Variants in KIAA0319L observed in about 807,000 individuals in gnomAD.
The protein encoded by KIAA0319L is dyslexia-associated protein KIAA0319-like protein.
In KIAA0319L, 55 loss-of-function variants were observed where a neutral mutation model predicts 120.1. The observed-to-expected ratio is 0.46, with a 90% CI of 0.37 to 0.57. KIAA0319L has a LOEUF of 0.57. Ranked by LOEUF, KIAA0319L falls within the 20% of genes least tolerant of loss-of-function variation. The probability of loss-of-function intolerance (pLI) is 0.00; values close to 1 mark genes in which losing one functional copy is unlikely to be tolerated. For synonymous variants in KIAA0319L, 398 were observed against 471.9 expected, an observed-to-expected ratio of 0.84 and a Z score of 2.03; for missense variants, 1,049 against 1,255.3, an observed-to-expected ratio of 0.84 and a Z score of 2.48.
intron 3 of KIAA0319L, among the ~76,000 whole-genome samples, chr1:35,498,198 T>C (rs1490367555): frequency 6.6e-6 from 1 of 152,112 alleles, no homozygotes; most frequent in African/African-American, 2.4e-5. Context: ...CTGGGTATGA[T>C]GATGGGTGCC....
chr1:35,448,871 G>T (rs1641838149), intron 15 of KIAA0319L, among the ~76,000 whole-genome samples: 1 of 152,160 alleles, frequency 6.6e-6, no homozygotes, highest in Admixed American at 6.5e-5. Flanking sequence ...CAAGACACAA[G>T]GATTTCCTTA....
intron 2 of KIAA0319L, among the ~76,000 whole-genome samples, chr1:35,525,986 T>C (rs935282116): frequency 5.9e-5 from 9 of 152,102 alleles, no homozygotes; most frequent in Non-Finnish European, 1.3e-4. Context: ...TTTAAGTCTT[T>C]AATCCATTTT....
intron 1 of KIAA0319L, 89 bp from the exon 2 acceptor site, chr1:35,554,608 A>G: frequency 1.0e-6 from 1 of 961,320 alleles, no homozygotes; most frequent in Non-Finnish European, 1.5e-6. Flanking sequence ...ATGACAGATT[A>G]GGGGAAAGAA....
intron 2 of KIAA0319L, among the ~76,000 whole-genome samples, chr1:35,553,885 AT>A (rs1206216218): frequency 6.6e-6 from 1 of 152,128 alleles, no homozygotes; most frequent in South Asian, 2.1e-4. Context: ...TAAGGAACGC[AT>A]TTTTCCCATA....
intron 6 of KIAA0319L, 143 bp downstream of exon 6, chr1:35,470,720 T>C (rs560885265): frequency 6.4e-6 from 4 of 624,114 alleles, no homozygotes; most frequent in African/African-American, 5.5e-5. Context: ...AAATACTGGA[T>C]GTCAGCCAGT....
At chr1:35,517,041 T>C (rs1645709472) in intron 2 of KIAA0319L, among the ~76,000 whole-genome samples, 2 of 151,920 alleles carry the variant, frequency 1.3e-5, no homozygotes. Flanking sequence ...TATAAAACAC[T>C]GCTGAAAAAA....
intron 2 of KIAA0319L, among the ~76,000 whole-genome samples, chr1:35,526,516 GCTCACTGCAGC>G (rs1287046514): frequency 6.7e-6 from 1 of 149,770 alleles, no homozygotes; most frequent in Non-Finnish European, 1.5e-5. Flanking sequence ...TCCAATCTTA[GCTCACTGCAGC>G]CTCAACCTCC....
chr1:35,463,560 T>C (rs1002659212), intron 7 of KIAA0319L, among the ~76,000 whole-genome samples: 10 of 152,368 alleles, frequency 6.6e-5, no homozygotes, highest in Middle Eastern at 6.8e-3. Context: ...CCCAAATGAC[T>C]GTGTGCTACA....
intron 3 of KIAA0319L, among the ~76,000 whole-genome samples, chr1:35,484,471 G>C (rs1221718707): frequency 6.6e-6 from 1 of 152,010 alleles, no homozygotes; most frequent in Non-Finnish European, 1.5e-5. Context: ...AAACACAAGT[G>C]ATTTCTGTGT....
intron 2 of KIAA0319L, among the ~76,000 whole-genome samples, chr1:35,538,872 C>T (rs752412583): frequency 7.9e-5 from 12 of 151,722 alleles, no homozygotes; most frequent in Middle Eastern, 3.4e-3. Context: ...ATTCTACTGA[C>T]AGAAATGAAA....
intron 1 of KIAA0319L, chr1:35,554,887 C>G (rs1647710280): frequency 6.4e-6 from 1 of 156,136 alleles, no homozygotes; most frequent in African/African-American, 2.4e-5. Flanking sequence ...TTTGACCAAA[C>G]ACACTTTCTT....
intron 6 of KIAA0319L, among the ~76,000 whole-genome samples, chr1:35,470,129 T>C (rs1050383600): frequency 9.2e-5 from 14 of 152,086 alleles, no homozygotes; most frequent in African/African-American, 3.4e-4. Flanking sequence ...CACCTCAGCC[T>C]CCCAAAGTGC....
At chr1:35,530,971 C>T (rs1293900783) in intron 2 of KIAA0319L, among the ~76,000 whole-genome samples, 1 of 152,148 alleles carries the variant, frequency 6.6e-6, no homozygotes, top group Non-Finnish European at 1.5e-5. Context: ...GAAAGGCTGT[C>T]CTCAGGGTGC....
At chr1:35,455,902 G>A (rs951818923) in intron 10 of KIAA0319L, 111 bp downstream of exon 10, 9 of 819,246 alleles carry the variant, frequency 1.1e-5, no homozygotes, top group South Asian at 8.7e-5. Flanking sequence ...TTGCTACCAC[G>A]TTAATCAAAG....
intron 2 of KIAA0319L, among the ~76,000 whole-genome samples, chr1:35,548,663 G>A (rs982978437): frequency 6.6e-6 from 1 of 151,818 alleles, no homozygotes; most frequent in African/African-American, 2.4e-5. Flanking sequence ...ATGGATTAAA[G>A]TGCATCATGA....
chr1:35,451,853 A>C, intron 12 of KIAA0319L, 77 bp from the exon 13 acceptor site: 20 of 1,448,602 alleles, frequency 1.4e-5, no homozygotes, highest in Non-Finnish European at 1.9e-5. Context: ...GGAGGAGACA[A>C]TGACTCCCTC....
At position 35,453,483 on chromosome 1, in the gene KIAA0319L, T is replaced by C. The variant is rs993140978; in HGVS notation, c.1913+74A>G. 2 of 1,459,382 alleles carry C rather than the reference T, an allele frequency of 1.4e-6. No homozygotes were observed. The highest frequency in any genetic ancestry group is 1.8e-5 in the Admixed American group (1 of 56,776). The allele number at this position is 1,459,382 out of a possible 1,614,324, so 90.4% of individuals were successfully genotyped here. ...AAGCCAATAAGAGCAACTCAACTCATAATAGCAAATAAAACCTTGCTCTTC... is the reference window on the plus strand; with the variant it reads ...AAGCCAATAAGAGCAACTCAACTCACAATAGCAAATAAAACCTTGCTCTTC... On this transcript the variant is annotated intron_variant, in intron 12 of 20. Coordinates refer to ENST00000325722, the MANE Select transcript of KIAA0319L (RefSeq NM_024874.5). The surrounding 1 kb of genome is among the most constrained non-coding windows in gnomAD (Gnocchi z 4.1).
At position 35,554,383 on chromosome 1, in the gene KIAA0319L, A is replaced by T; in HGVS notation, c.109T>A (p.Cys37Ser). The T allele has an allele frequency of 6.2e-7, 1 of 1,608,124 alleles. No individual in the cohort carries two copies. Among genetic ancestry groups the T allele is most frequent in the South Asian group, 1.1e-5 (1 of 89,386 alleles). The change falls in exon 2 of 21, where the codon TGC becomes AGC. Residue 37 changes from cysteine to serine, a missense_variant. Physicochemically the swap from Cys to Ser is moderately radical, Grantham distance 112. Coordinates refer to ENST00000325722, the MANE Select transcript of KIAA0319L (RefSeq NM_024874.5). ...WLRSLYLFYT[C>S]FCFSVLWLST... ...AACCACAGAACGCTGAAGCAAAAGCAAGTATAAAACAGGTACAGGCTTCTC... is the reference window on the plus strand; with the variant it reads ...AACCACAGAACGCTGAAGCAAAAGCTAGTATAAAACAGGTACAGGCTTCTC...
At chr1:35,510,988 C>A (rs1034122018) in intron 2 of KIAA0319L, 5 of 151,940 alleles carry the variant, frequency 3.3e-5, no homozygotes, top group Admixed American at 3.3e-4. Context: ...ATCAGAAAAA[C>A]CATCTTAGTG....
Sources: gnomAD v4.1 joint callset for allele counts (sites outside exome capture counted in the v4.1 genomes callset) on GRCh38, gnomAD v4.1.1 for gene constraint, Gnocchi (gnomAD v3.1) non-coding constraint, MANE v1.5 for transcripts, NCBI Gene and HGNC (gene_info 2026-07-23, HGNC 2026-07-21) for gene names.